The following MYO3A variants were observed in gnomAD, a reference collection of about 807,000 sequenced individuals.
MYO3A encodes myosin-IIIa.
A neutral mutation model predicts 192.7 loss-of-function variants in MYO3A; 180 were observed. That is an observed-to-expected ratio of 0.93 (90% CI 0.83 to 1.06). The LOEUF (loss-of-function observed/expected upper bound fraction) is 1.06, where lower values mean the gene tolerates loss of function less well. MYO3A is among the 50% of genes least tolerant of loss of function. The pLI, the probability that MYO3A is intolerant of heterozygous loss-of-function variation, is 0.00. For synonymous variants in MYO3A, 628 were observed against 645.3 expected, an observed-to-expected ratio of 0.97 and a Z score of 0.41; for missense variants, 1,896 against 1,905.0, an observed-to-expected ratio of 1.00 and a Z score of 0.09.
At chr10:26,073,446 G>A (rs547861062) in intron 14 of MYO3A, among the ~76,000 whole-genome samples, 34 of 152,028 alleles carry the variant, frequency 2.2e-4, no homozygotes, top group African/African-American at 8.0e-4. Flanking sequence ...GCAGGCGCCT[G>A]TAGTCCCAGG....
chr10:26,053,428 A>G (rs552965864), intron 10 of MYO3A, among the ~76,000 whole-genome samples: 1 of 152,184 alleles, frequency 6.6e-6, no homozygotes, highest in Non-Finnish European at 1.5e-5. Context: ...AAAACAAAAC[A>G]AAACCTGTTT....
intron 17 of MYO3A, among the ~76,000 whole-genome samples, chr10:26,103,720 T>C (rs1456741278): frequency 6.6e-6 from 1 of 152,204 alleles, no homozygotes; most frequent in Non-Finnish European, 1.5e-5. Context: ...GCATTGCAAA[T>C]GCTGAATAGG....
intron 29 of MYO3A, among the ~76,000 whole-genome samples, chr10:26,171,642 G>T (rs1842052390): frequency 6.6e-6 from 1 of 152,104 alleles, no homozygotes; most frequent in Non-Finnish European, 1.5e-5. Context: ...TTGCTTGTGA[G>T]GATCCAAATG....
chr10:26,082,162 T>C (rs1835999348), intron 14 of MYO3A, among the ~76,000 whole-genome samples: 1 of 152,190 alleles, frequency 6.6e-6, no homozygotes, highest in African/African-American at 2.4e-5. Context: ...AAGGATTGCA[T>C]TGATTCTGTA....
intron 25 of MYO3A, among the ~76,000 whole-genome samples, chr10:26,155,767 A>G (rs1179327571): frequency 1.3e-5 from 2 of 152,246 alleles, no homozygotes; most frequent in African/African-American, 4.8e-5. Flanking sequence ...TTCACTTTAC[A>G]TCAGAAATGC....
chr10:25,945,869 T>A (rs1033903813), intron 2 of MYO3A, among the ~76,000 whole-genome samples: 1 of 152,166 alleles, frequency 6.6e-6, no homozygotes, highest in African/African-American at 2.4e-5. Flanking sequence ...TGTAATGACA[T>A]GTTTTGATTC....
chr10:26,080,974 A>G (rs1386581668), intron 14 of MYO3A, among the ~76,000 whole-genome samples: 1 of 151,328 alleles, frequency 6.6e-6, no homozygotes, highest in Non-Finnish European at 1.5e-5. Flanking sequence ...AGTGCAGTGG[A>G]CTCCATGAAG....
chr10:25,941,063 A>G (rs2130818685), intron 2 of MYO3A, among the ~76,000 whole-genome samples: 1 of 152,354 alleles, frequency 6.6e-6, no homozygotes, highest in South Asian at 2.1e-4. Context: ...TCAAGAAAAC[A>G]GTTAATGCCA....
chr10:25,985,254 A>C (rs1032781498), intron 4 of MYO3A, among the ~76,000 whole-genome samples: 2 of 151,190 alleles, frequency 1.3e-5, no homozygotes, highest in African/African-American at 4.9e-5. Context: ...AAAAAAAAAA[A>C]AAAATTCTGA....
At chr10:26,021,707 A>T (rs774118339) in intron 8 of MYO3A, 59 bp downstream of exon 8, 2 of 1,595,686 alleles carry the variant, frequency 1.3e-6, no homozygotes, top group African/African-American at 2.7e-5. Context: ...TCCAGCCACC[A>T]AGTGTTCATC....
rs779605870 is a variant in MYO3A, at chr10:26,193,282, G to A, written c.4516G>A (p.Glu1506Lys). The A allele has an allele frequency of 4.3e-6, 7 of 1,613,586 alleles. No homozygotes were observed. Among genetic ancestry groups the A allele is most frequent in the African/African-American group, 1.3e-5 (1 of 74,838 alleles). ...GAAACCCAAAACATTAAATAACCCT[G>A]AAGACTCCACATACTATTATCTACT... ...PRKPKTLNNP[E>K]DSTYYYLLHK... The change falls in exon 32 of 35, where the codon GAA (glutamate) becomes AAA (lysine). Residue 1506 changes from glutamate to lysine, a missense_variant. Transcript: ENST00000642920.
At chr10:26,178,419 G>A (rs1842436075) in intron 31 of MYO3A, among the ~76,000 whole-genome samples, 2 of 152,054 alleles carry the variant, frequency 1.3e-5, no homozygotes, top group South Asian at 2.1e-4. Flanking sequence ...GGGCCTGGTG[G>A]CAGGTGCCCA....
At chr10:26,197,771 G>A (rs1843482885) in intron 32 of MYO3A, among the ~76,000 whole-genome samples, 1 of 152,180 alleles carries the variant, frequency 6.6e-6, no homozygotes, top group Non-Finnish European at 1.5e-5. Context: ...TCACCATGTT[G>A]GCTAGGCTGG....
chr10:26,024,187 T>C, intron 9 of MYO3A, 100 bp downstream of exon 9: 1 of 1,131,358 alleles, frequency 8.8e-7, no homozygotes, highest in Non-Finnish European at 1.3e-6. Flanking sequence ...CCCAGAGATT[T>C]CTATTATTTT....
chr10:26,140,984 G>A (rs868837339), intron 20 of MYO3A, among the ~76,000 whole-genome samples: 29 of 152,232 alleles, frequency 1.9e-4, no homozygotes, highest in African/African-American at 5.5e-4. Flanking sequence ...CTGGAGTGCA[G>A]TGGCGCAATC....
intron 4 of MYO3A, among the ~76,000 whole-genome samples, chr10:25,990,993 A>G (rs529489594): frequency 3.0e-4 from 46 of 152,296 alleles, no homozygotes; most frequent in Non-Finnish European, 5.3e-4. Context: ...GTGTCTTTAT[A>G]GCAGCATGAT....
chr10:26,125,119 C>T (rs1438230658), intron 18 of MYO3A, among the ~76,000 whole-genome samples: 1 of 152,088 alleles, frequency 6.6e-6, no homozygotes, highest in Non-Finnish European at 1.5e-5. Flanking sequence ...ATCACATAAA[C>T]AACCACTCGC....
At chr10:26,147,710 C>A (rs1840555839) in intron 23 of MYO3A, 151 bp downstream of exon 23, 5 of 1,192,910 alleles carry the variant, frequency 4.2e-6, no homozygotes, top group Non-Finnish European at 4.7e-6. Flanking sequence ...TGCCCCAGAT[C>A]ATCTGAAGAA....
At chr10:25,950,413 C>T (rs1554785764) in intron 2 of MYO3A, among the ~76,000 whole-genome samples, 1 of 152,098 alleles carries the variant, frequency 6.6e-6, no homozygotes, top group African/African-American at 2.4e-5. Context: ...AAAGATATCA[C>T]TTTGAAATAG....
Sources: allele counts gnomAD v4.1 joint callset (sites outside exome capture counted in the v4.1 genomes callset), GRCh38; gene constraint gnomAD v4.1.1; transcripts MANE v1.5; gene names NCBI Gene and HGNC (gene_info 2026-07-23, HGNC 2026-07-21).